The following DNM3 variants were observed in gnomAD, a reference collection of about 807,000 sequenced individuals.
DNM3 encodes dynamin-3.
Under a neutral mutation model 101.6 loss-of-function variants are expected in DNM3, and 47 were observed. The observed-to-expected ratio is 0.46, with a 90% CI of 0.37 to 0.59. The LOEUF is 0.59. DNM3 is among the 20% of genes least tolerant of loss of function. The probability of loss-of-function intolerance (pLI) is 0.00; values close to 1 mark genes in which losing one functional copy is unlikely to be tolerated. For missense variants in DNM3, 849 were observed against 1,085.7 expected, an observed-to-expected ratio of 0.78 and a Z score of 3.06; for synonymous variants, 385 against 387.9, an observed-to-expected ratio of 0.99 and a Z score of 0.09.
chr1:171,901,141 C>CAAAAAAAAA (rs2038311606), intron 1 of DNM3, among the ~76,000 whole-genome samples: 6 of 127,232 alleles, frequency 4.7e-5, no homozygotes, highest in African/African-American at 1.2e-4. Flanking sequence ...AGAAAGAAAT[C>CAAAAAAAAA]TATGAAGTTC....
At chr1:172,172,224 C>A (rs1374597818) in intron 14 of DNM3, among the ~76,000 whole-genome samples, 1 of 151,600 alleles carries the variant, frequency 6.6e-6, no homozygotes, top group Non-Finnish European at 1.5e-5. Flanking sequence ...TGTCTCCAGG[C>A]CTTCACTTAT....
Position 171,841,921 on chromosome 1 carries a change from G to T in DNM3, c.161+104G>T, listed in dbSNP as rs576605556. 28 of 1,209,596 alleles carry T rather than the reference G, an allele frequency of 2.3e-5. No homozygotes were observed. In the South Asian group the frequency reaches 3.0e-4, roughly 13 times the overall value. 74.9% of individuals were successfully genotyped at this position (1,209,596 alleles called of 1,614,324 possible). A position where few individuals can be genotyped will look rare whatever the true frequency, so the allele number is the denominator to read the frequency against. ...GGGAGCCAGAGGGTGGATGGACCAG[G>T]CGCTGCGGTGGAATGGGGGGCAGAG... On this transcript the variant is annotated intron_variant, in intron 1 of 20. Coordinates refer to ENST00000627582, the MANE Select transcript of DNM3 (RefSeq NM_015569.5).
At chr1:172,183,991 A>G (rs1200970773) in intron 14 of DNM3, among the ~76,000 whole-genome samples, 1 of 151,740 alleles carries the variant, frequency 6.6e-6, no homozygotes, top group Non-Finnish European at 1.5e-5. Flanking sequence ...AATCATAACA[A>G]TAATAGCAAA....
intron 1 of DNM3, among the ~76,000 whole-genome samples, chr1:171,908,727 C>A (rs7538839): frequency 0.2 from 29,869 of 152,010 alleles, 3,469 homozygotes; most frequent in East Asian, 0.48. Context: ...TTAATTTCTT[C>A]GCACTGAAAA....
chr1:172,275,944 T>C (rs1381983845), intron 15 of DNM3, among the ~76,000 whole-genome samples: 1 of 152,152 alleles, frequency 6.6e-6, no homozygotes, highest in Non-Finnish European at 1.5e-5. Context: ...AGGACTGAAT[T>C]AGTAATGTGT....
chr1:172,350,302 C>A (rs1293900299), intron 17 of DNM3, among the ~76,000 whole-genome samples: 1 of 141,102 alleles, frequency 7.1e-6, no homozygotes, highest in African/African-American at 2.6e-5. Flanking sequence ...TTTTTCATAC[C>A]CTTCCATTTT....
intron 14 of DNM3, among the ~76,000 whole-genome samples, chr1:172,179,635 A>G (rs1273062893): frequency 6.6e-6 from 1 of 151,768 alleles, no homozygotes; most frequent in Non-Finnish European, 1.5e-5. Flanking sequence ...TAATGATGCT[A>G]TGCCGGATCA....
At chr1:172,399,212 T>C (rs2070267925) in intron 20 of DNM3, among the ~76,000 whole-genome samples, 1 of 152,066 alleles carries the variant, frequency 6.6e-6, no homozygotes, top group Non-Finnish European at 1.5e-5. Context: ...ACACAGCATT[T>C]CTCTCATTTA....
At chr1:172,396,811 T>C (rs2070041703) in intron 20 of DNM3, among the ~76,000 whole-genome samples, 1 of 152,250 alleles carries the variant, frequency 6.6e-6, no homozygotes, top group Non-Finnish European at 1.5e-5. Flanking sequence ...GTATTTCATT[T>C]ATCTCAAAAG....
At chr1:172,283,010 A>G (rs1010937961) in intron 15 of DNM3, among the ~76,000 whole-genome samples, 4 of 152,186 alleles carry the variant, frequency 2.6e-5, no homozygotes, top group Non-Finnish European at 4.4e-5. Context: ...CTTCCTTTCC[A>G]GGTTCCAGCC....
intron 19 of DNM3, among the ~76,000 whole-genome samples, chr1:172,388,076 A>G (rs1466670107): frequency 2.6e-5 from 4 of 151,936 alleles, no homozygotes; most frequent in Non-Finnish European, 5.9e-5. Flanking sequence ...CCTACTAAAA[A>G]TACAAAAATT....
intron 2 of DNM3, among the ~76,000 whole-genome samples, chr1:171,929,180 C>T (rs559333391): frequency 1.4e-4 from 21 of 152,156 alleles, no homozygotes; most frequent in South Asian, 1.2e-3. Flanking sequence ...AGCCTGAAGG[C>T]TAGAATGGTT....
At chr1:171,904,833 G>A (rs893238040) in intron 1 of DNM3, among the ~76,000 whole-genome samples, 1 of 152,112 alleles carries the variant, frequency 6.6e-6, no homozygotes, top group Non-Finnish European at 1.5e-5. Context: ...AGGGAGGGTG[G>A]CATGGAGGGT....
At chr1:172,189,177 G>C (rs952779078) in intron 14 of DNM3, among the ~76,000 whole-genome samples, 1 of 151,866 alleles carries the variant, frequency 6.6e-6, no homozygotes, top group African/African-American at 2.4e-5. Context: ...CTAGATTTGT[G>C]TGGTCTGTTT....
chr1:172,350,347 T>C (rs2067148183), intron 17 of DNM3, among the ~76,000 whole-genome samples: 1 of 150,856 alleles, frequency 6.6e-6, no homozygotes, highest in Non-Finnish European at 1.5e-5. Flanking sequence ...TGTGTGTGTT[T>C]GTGTGTCTTG....
At chr1:172,368,353 AAAC>A (rs1310172335) in intron 17 of DNM3, among the ~76,000 whole-genome samples, 1 of 152,014 alleles carries the variant, frequency 6.6e-6, no homozygotes, top group Non-Finnish European at 1.5e-5. Context: ...CATGTAAATT[AAAC>A]AACATGCTCC....
chr1:172,118,907 A>T (rs2056110975), intron 13 of DNM3, among the ~76,000 whole-genome samples: 1 of 152,174 alleles, frequency 6.6e-6, no homozygotes, highest in South Asian at 2.1e-4. Flanking sequence ...GGCCTGGCAC[A>T]GAAGGGAGCC....
chr1:172,113,634 A>AAC (rs922731880), intron 13 of DNM3, among the ~76,000 whole-genome samples: 1 of 151,246 alleles, frequency 6.6e-6, no homozygotes, highest in African/African-American at 2.4e-5. Flanking sequence ...AAAAAAAAAA[A>AAC]AAAAAAAAAA....
chr1:171,899,407 T>C (rs1214813629), intron 1 of DNM3, among the ~76,000 whole-genome samples: 1 of 152,162 alleles, frequency 6.6e-6, no homozygotes, highest in African/African-American at 2.4e-5. Flanking sequence ...AAAAATGAAT[T>C]AAATTATCCT....
Sources: gnomAD v4.1 joint callset for allele counts (sites outside exome capture counted in the v4.1 genomes callset) on GRCh38, gnomAD v4.1.1 for gene constraint, MANE v1.5 for transcripts, NCBI Gene and HGNC (gene_info 2026-07-23, HGNC 2026-07-21) for gene names.